SNRNP27: variants seen among roughly 807,000 people sequenced by gnomAD.
SNRNP27 encodes the protein small nuclear ribonucleoprotein U4/U6.U5 subunit 27.
A neutral mutation model predicts 25.1 loss-of-function variants in SNRNP27; 22 were observed. The observed-to-expected ratio is 0.88, with a 90% CI of 0.63 to 1.25. The LOEUF (loss-of-function observed/expected upper bound fraction) is 1.25, where lower values mean the gene tolerates loss of function less well. Ranked by LOEUF, SNRNP27 falls within the 50% of genes most tolerant of loss-of-function variation. SNRNP27 has a pLI of 0.00. For missense variants in SNRNP27, 150 were observed against 202.3 expected (o/e 0.74, Z 1.57); for synonymous variants, 66 against 64.9 (o/e 1.02, Z -0.08).
At position 69,904,669 on chromosome 2, in the gene SNRNP27, T is replaced by A. The variant is rs1676763600; in HGVS notation, c.*361T>A. ...CCAATAAAGCAGTATTTCTACCCTT[T>A]TAGATTTGATAAATATTTTTATTAC... is the stretch of plus-strand genomic sequence containing the variant. On this transcript the variant is annotated 3_prime_UTR_variant, in exon 6 of 6. Coordinates refer to ENST00000244227, the MANE Select transcript of SNRNP27 (RefSeq NM_006857.3). The A allele has an allele frequency of 3.0e-6, 1 of 332,746 alleles. No individual in the cohort carries two copies. Among genetic ancestry groups the A allele is most frequent in the South Asian group, 8.3e-5 (1 of 12,082 alleles). The allele number at this position is 332,746 out of a possible 1,614,324, so 20.6% of individuals were successfully genotyped here. A position where few individuals can be genotyped will look rare whatever the true frequency, so the allele number is the denominator to read the frequency against.
intron 5 of SNRNP27, among the ~76,000 whole-genome samples, chr2:69,904,004 ATCT>A (rs936699702): frequency 2.0e-5 from 3 of 152,030 alleles, no homozygotes; most frequent in Non-Finnish European, 2.9e-5. Flanking sequence ...AAGTCTGTAA[ATCT>A]TCTCAAATAA....
Position 69,904,536 on chromosome 2 carries a change from AAC to A in SNRNP27, c.*229_*230del. 1 of 347,700 alleles carries A rather than the reference AAC, an allele frequency of 2.9e-6. No homozygotes were observed. The highest frequency in any genetic ancestry group is 6.5e-5 in the East Asian group (1 of 15,392). The allele number at this position is 347,700 out of a possible 1,614,324, so 21.5% of individuals were successfully genotyped here. Reference sequence around the variant, plus strand: ...GGAAATATCATTTGTGGCAGGCGTCAACCCCATTTTATTTGTCCTTATTCCTG... The same window carrying A: ...GGAAATATCATTTGTGGCAGGCGTCACCCATTTTATTTGTCCTTATTCCTG... On this transcript the variant is annotated 3_prime_UTR_variant, in exon 6 of 6. Coordinates refer to ENST00000244227, the MANE Select transcript of SNRNP27 (RefSeq NM_006857.3).
At chr2:69,897,245 C>A (rs1676620179) in intron 3 of SNRNP27, 132 bp from the exon 4 acceptor site, 2 of 599,224 alleles carry the variant, frequency 3.3e-6, no homozygotes, top group Non-Finnish European at 5.9e-6. Context: ...TCATTAGACT[C>A]ATCTTCAGCT....
chr2:69,901,689 CA>C, intron 4 of SNRNP27, among the ~76,000 whole-genome samples: 1 of 152,098 alleles, frequency 6.6e-6, no homozygotes, highest in East Asian at 1.9e-4. Context: ...AGCTTGGTGG[CA>C]TGTGCCTGTA....
chr2:69,902,672 C>A (rs1037296330), intron 4 of SNRNP27, among the ~76,000 whole-genome samples: 6 of 151,880 alleles, frequency 4.0e-5, no homozygotes, highest in African/African-American at 1.5e-4. Context: ...GCTGCTCCTT[C>A]TGCTGCTCCT....
intron 3 of SNRNP27, 119 bp downstream of exon 3, chr2:69,896,667 T>G (rs949738343): frequency 5.0e-5 from 46 of 926,018 alleles, no homozygotes; most frequent in South Asian, 2.8e-4. Context: ...TGGTTTTGAG[T>G]TTTTTTTGGT....
At chr2:69,896,065 C>T (rs1181879993) in intron 2 of SNRNP27, among the ~76,000 whole-genome samples, 1 of 151,128 alleles carries the variant, frequency 6.6e-6, no homozygotes, top group Non-Finnish European at 1.5e-5. Flanking sequence ...CCTCTGCTTT[C>T]CAAAGTGCTG....
rs1461114093 is a variant in SNRNP27, at chr2:69,905,203, A to G, written c.*895A>G. 1 of 152,204 alleles carries G rather than the reference A, an allele frequency of 6.6e-6. No homozygotes were observed. 9.4% of individuals were successfully genotyped at this position (152,204 alleles called of 1,614,324 possible). On this transcript the variant is annotated 3_prime_UTR_variant, in exon 6 of 6. Coordinates refer to ENST00000244227, the MANE Select transcript of SNRNP27 (RefSeq NM_006857.3). ...CTCCCATGACTTGCCATTATAATTA[A>G]AACTGTGACTACTATCTGTCTCCAT...
At chr2:69,901,414 A>G (rs546226536) in intron 4 of SNRNP27, among the ~76,000 whole-genome samples, 1 of 152,340 alleles carries the variant, frequency 6.6e-6, no homozygotes, top group South Asian at 2.1e-4. Flanking sequence ...GACCTGAACA[A>G]GAATTTGTGA....
At position 69,905,138 on chromosome 2, in the gene SNRNP27, AATTTAT is replaced by A. The variant is rs1676775661; in HGVS notation, c.*831_*836del. On this transcript the variant is annotated 3_prime_UTR_variant, in exon 6 of 6. Transcript: ENST00000244227. ...TTTAGTAACTACTTGGTTGTATCATAATTTATTAACTAATGTTTTATTGGTAAACAT... is the reference window on the plus strand; with the variant it reads ...TTTAGTAACTACTTGGTTGTATCATATAACTAATGTTTTATTGGTAAACAT... The A allele has an allele frequency of 6.6e-6, 1 of 152,178 alleles. No individual in the cohort carries two copies. Among genetic ancestry groups the A allele is most frequent in the South Asian group, 2.1e-4 (1 of 4,836 alleles). 9.4% of individuals were successfully genotyped at this position (152,178 alleles called of 1,614,324 possible). A position where few individuals can be genotyped will look rare whatever the true frequency, so the allele number is the denominator to read the frequency against.
intron 5 of SNRNP27, 94 bp downstream of exon 5, chr2:69,903,339 C>T (rs941511928): frequency 1.1e-5 from 10 of 915,864 alleles, no homozygotes; most frequent in African/African-American, 6.6e-5. Flanking sequence ...GGAAATGTAG[C>T]AGTTTTCCAT....
At chr2:69,900,302 T>C (rs1676672728) in intron 4 of SNRNP27, among the ~76,000 whole-genome samples, 1 of 152,230 alleles carries the variant, frequency 6.6e-6, no homozygotes, top group Admixed American at 6.5e-5. Flanking sequence ...GGGCTAATAA[T>C]ATGCAATTCT....
intron 4 of SNRNP27, among the ~76,000 whole-genome samples, chr2:69,902,015 G>C (rs979929585): frequency 2.0e-5 from 3 of 152,162 alleles, no homozygotes; most frequent in African/African-American, 4.8e-5. Context: ...GACCAGAAAA[G>C]ATTAGATTCT....
In SNRNP27 at chr2:69,904,244, C is replaced by A; in HGVS notation, c.414-10C>A. On this transcript the variant is annotated splice_polypyrimidine_tract_variant and intron_variant, in intron 5 of 5. Transcript: ENST00000244227. ...AAAAAAAAACAATGAATTTTCTCTT[C>A]TCATCATAGGCAGTACATGAATCGA... is the stretch of plus-strand genomic sequence containing the variant. 2.6e-6 allele frequency: 4 copies of A among 1,559,454 alleles called. No individual in the cohort carries two copies. The highest frequency in any genetic ancestry group is 3.5e-6 in the Non-Finnish European group (4 of 1,156,688).
chr2:69,896,341 G>A (rs1360506687), intron 2 of SNRNP27, 95 bp from the exon 3 acceptor site: 9 of 1,147,526 alleles, frequency 7.8e-6, no homozygotes, highest in Admixed American at 6.3e-5. Flanking sequence ...GGAATGACTC[G>A]TGGTTCTGTG....
intron 4 of SNRNP27, chr2:69,897,704 A>T: frequency 4.8e-6 from 2 of 413,154 alleles, no homozygotes; most frequent in Non-Finnish European, 8.8e-6. Flanking sequence ...GAGGAAGAAG[A>T]TTATTTCAGG....
chr2:69,903,768 T>TTA lies in SNRNP27; in HGVS notation c.414-485_414-484dup, dbSNP rs796598614. Among the ~76,000 whole-genome samples the TTA allele has an allele frequency of 3.5e-4, 54 of 152,290 alleles. 1 individual carries two copies. The highest frequency in any genetic ancestry group is 1.3e-3 in the African/African-American group (53 of 41,566). On this transcript the variant is annotated intron_variant, in intron 5 of 5. Coordinates refer to ENST00000244227, the MANE Select transcript of SNRNP27 (RefSeq NM_006857.3). ...ATAAAAGATTAATAGTCCAGTTAAT[T>TTA]TAGATTATGAATCATGTGATTGAAA...
chr2:69,894,002 C>T lies in SNRNP27; in HGVS notation c.18C>T (p.Ser6=). 1.2e-6 allele frequency: 2 copies of T among 1,614,008 alleles called. No individual in the cohort carries two copies. Among genetic ancestry groups the T allele is most frequent in the South Asian group, 1.1e-5 (1 of 91,074 alleles). MGRSR[S]RSPRRERRRS... is the part of the protein sequence containing the mutation. ...GACTCCAAATGGGTCGCAGTCGCAG[C>T]CGCTCTCCACGGAGGGGTGAGTCCT... Residue 6 remains serine (S), a synonymous_variant, in exon 1 of 6, where the codon AGC becomes AGT. Coordinates refer to ENST00000244227, the MANE Select transcript of SNRNP27 (RefSeq NM_006857.3).
chr2:69,896,675 G>GTT, intron 3 of SNRNP27, 127 bp downstream of exon 3: 6 of 903,346 alleles, frequency 6.6e-6, no homozygotes, highest in African/African-American at 4.2e-5. Flanking sequence ...AGTTTTTTTT[G>GTT]GTTTTTTTTT....
Sources: gnomAD v4.1 joint callset for allele counts (sites outside exome capture counted in the v4.1 genomes callset) on GRCh38, gnomAD v4.1.1 for gene constraint, MANE v1.5 for transcripts, NCBI Gene and HGNC (gene_info 2026-07-23, HGNC 2026-07-21) for gene names.